The following HMGN5 variants were observed in gnomAD, a reference collection of about 807,000 sequenced individuals.
HMGN5 encodes high mobility group nucleosome-binding domain-containing protein 5.
Under a neutral mutation model 9.5 loss-of-function variants are expected in HMGN5, and 4 were observed. That is an observed-to-expected ratio of 0.42 (90% CI 0.21 to 0.96). HMGN5 has a LOEUF of 0.96. HMGN5 is among the 40% of genes least tolerant of loss of function. HMGN5 has a pLI of 0.30. For synonymous variants in HMGN5, 55 were observed against 57.1 expected, an observed-to-expected ratio of 0.96 and a Z score of 0.16; for missense variants, 192 against 187.5, an observed-to-expected ratio of 1.02 and a Z score of -0.14.
At chrX:81,187,774 T>C (rs1460508719) in intron 1 of HMGN5, among the ~76,000 whole-genome samples, 1 of 111,568 alleles carries the variant, frequency 9.0e-6, no homozygotes, top group Non-Finnish European at 1.9e-5. Context: ...GTTTCCTCTT[T>C]CTTCTTTCCT....
intron 3 of HMGN5, among the ~76,000 whole-genome samples, chrX:81,119,270 G>C (rs1319720937): frequency 8.9e-6 from 1 of 111,797 alleles, no homozygotes; most frequent in Non-Finnish European, 1.9e-5. Context: ...GGTAAACTGA[G>C]AGGTTTCTTT....
chrX:81,160,679 T>C (rs371263382), intron 1 of HMGN5, among the ~76,000 whole-genome samples: 10 of 111,942 alleles, frequency 8.9e-5, no homozygotes, highest in East Asian at 5.6e-4. Context: ...GCTTCATCCA[T>C]ATCCCTGCAA....
At chrX:81,189,881 A>G (rs1181827219) in intron 1 of HMGN5, among the ~76,000 whole-genome samples, 1 of 112,229 alleles carries the variant, frequency 8.9e-6, no homozygotes, top group African/African-American at 3.2e-5. Flanking sequence ...ATACATTCTC[A>G]CCAGCATTTG....
intron 1 of HMGN5, among the ~76,000 whole-genome samples, chrX:81,166,246 G>A (rs1602574620): frequency 9.0e-6 from 1 of 111,317 alleles, no homozygotes; most frequent in African/African-American, 3.3e-5. Flanking sequence ...AAAGGTAATT[G>A]ACTAATGGGA....
At position 81,136,548 on chromosome X, in the gene HMGN5, A is replaced by G. The variant is rs183801675; in HGVS notation, c.-123-14876T>C. ...TCTATGAAAACTATACAAAATATGC[A>G]CTCAAAAACAAAAACACTATAAATG... On this transcript the variant is annotated intron_variant, in intron 1 of 6. Coordinates refer to ENST00000358130, the MANE Select transcript of HMGN5 (RefSeq NM_030763.3). Among the ~76,000 whole-genome samples the G allele has an allele frequency of 3.6e-5, 4 of 111,570 alleles. No individual in the cohort carries two copies. The East Asian group carries it at 1.1e-3, about 32-fold the overall frequency.
At chrX:81,143,350 G>GA (rs1449696422) in intron 1 of HMGN5, among the ~76,000 whole-genome samples, 1 of 111,902 alleles carries the variant, frequency 8.9e-6, no homozygotes, top group Non-Finnish European at 1.9e-5. Flanking sequence ...CTGAATGAAT[G>GA]AAAAAACAAG....
chrX:81,140,353 G>T (rs962226507), intron 1 of HMGN5, among the ~76,000 whole-genome samples: 4 of 110,439 alleles, frequency 3.6e-5, no homozygotes, highest in African/African-American at 1.3e-4. Context: ...GAGGTCAGGA[G>T]ATTGAGACCA....
chrX:81,114,622 C>A lies in HMGN5; in HGVS notation c.*27G>T. ...TTTACAACATGAAGGTACATGTTAC[C>A]AAATTATGAAACTACATAGGGCAGT... On this transcript the variant is annotated 3_prime_UTR_variant, in exon 7 of 7. Coordinates refer to ENST00000358130, the MANE Select transcript of HMGN5 (RefSeq NM_030763.3). 9.4e-7 allele frequency: 1 copy of A among 1,064,676 alleles called. No homozygotes were observed. The allele number at this position is 1,064,676 out of a possible 1,213,427, so 87.7% of individuals were successfully genotyped here.
chrX:81,157,989 C>A (rs770086677), intron 1 of HMGN5, among the ~76,000 whole-genome samples: 1 of 110,442 alleles, frequency 9.1e-6, no homozygotes, highest in Non-Finnish European at 1.9e-5. Context: ...ACCATGTTAG[C>A]CAGGATGGTC....
chrX:81,154,650 A>C (rs1055933404), intron 1 of HMGN5, among the ~76,000 whole-genome samples: 1 of 111,119 alleles, frequency 9.0e-6, no homozygotes, highest in Non-Finnish European at 1.9e-5. Flanking sequence ...ATATATAAGG[A>C]GCTCAGACAA....
intron 1 of HMGN5, among the ~76,000 whole-genome samples, 151 bp downstream of exon 1, chrX:81,201,586 T>C (rs989860143): frequency 2.7e-5 from 3 of 112,124 alleles, no homozygotes; most frequent in African/African-American, 9.7e-5. Context: ...ATTTCTGGGC[T>C]TAAGGAAACC....
intron 1 of HMGN5, among the ~76,000 whole-genome samples, chrX:81,196,167 T>C (rs1049023891): frequency 3.6e-5 from 4 of 111,080 alleles, no homozygotes. Context: ...TAATTTTGTA[T>C]GTGATTTACA....
chrX:81,178,283 T>C (rs899802830), intron 1 of HMGN5, among the ~76,000 whole-genome samples: 1 of 111,493 alleles, frequency 9.0e-6, no homozygotes, highest in African/African-American at 3.3e-5. Context: ...GAGCTGGTTT[T>C]TTGAAAAGAT....
At chrX:81,124,629 T>G (rs1256271878) in intron 1 of HMGN5, among the ~76,000 whole-genome samples, 1 of 112,411 alleles carries the variant, frequency 8.9e-6, no homozygotes, top group Non-Finnish European at 1.9e-5. Context: ...CACATCACAC[T>G]CTACATACCT....
Position 81,133,775 on chromosome X carries a change from G to A in HMGN5, c.-123-12103C>T, listed in dbSNP as rs138964092. 0.011 allele frequency among the ~76,000 whole-genome samples: 1,212 copies of A among 110,928 alleles called. 45 individuals carry two copies. In the East Asian group the frequency reaches 0.12, roughly 11 times the overall value. On this transcript the variant is annotated intron_variant, in intron 1 of 6. Coordinates refer to ENST00000358130, the MANE Select transcript of HMGN5 (RefSeq NM_030763.3). ...CTAATGGGTACTAGGCTTAATACCC[G>A]TGTGATAAAATAATCTCTTCAACAA...
intron 2 of HMGN5, among the ~76,000 whole-genome samples, chrX:81,120,671 C>T (rs1277469936): frequency 9.0e-6 from 1 of 111,037 alleles, no homozygotes; most frequent in African/African-American, 3.3e-5. Flanking sequence ...ACGGTTTTAC[C>T]AAGCAATGAA....
intron 1 of HMGN5, among the ~76,000 whole-genome samples, chrX:81,195,837 A>C (rs2075506574): frequency 8.9e-6 from 1 of 112,136 alleles, no homozygotes; most frequent in South Asian, 3.7e-4. Context: ...AGAGCTAATA[A>C]AAATTACATC....
In HMGN5 at chrX:81,121,535, C is replaced by T. The variant is rs1023799013; in HGVS notation, c.15G>A (p.Lys5=). 8.3e-7 allele frequency: 1 copy of T among 1,204,712 alleles called. No individual in the cohort carries two copies. Among genetic ancestry groups the T allele is most frequent in the Non-Finnish European group, 1.1e-6 (1 of 891,472 alleles). The change falls in exon 2 of 7, where the codon AAG becomes AAA. Residue 5 remains lysine (K), a splice_region_variant and synonymous_variant. Coordinates refer to ENST00000358130, the MANE Select transcript of HMGN5 (RefSeq NM_030763.3). ...CCGTCTGTCTTTCCATTTCACTTAC[C>T]TTTCTTTTGGGCATTGTTGTAGCTC... The part of the protein sequence containing the change: MPKR[K]AAGQGDMRQE...
At chrX:81,169,337 T>A (rs1448779474) in intron 1 of HMGN5, among the ~76,000 whole-genome samples, 1 of 111,531 alleles carries the variant, frequency 9.0e-6, no homozygotes, top group Non-Finnish European at 1.9e-5. Flanking sequence ...TGAGTGAAGA[T>A]ATAGACTGTA....
Sources: gnomAD v4.1 joint callset for allele counts (sites outside exome capture counted in the v4.1 genomes callset) on GRCh38, gnomAD v4.1.1 for gene constraint, MANE v1.5 for transcripts, NCBI Gene and HGNC (gene_info 2026-07-23, HGNC 2026-07-21) for gene names.